The following EGFLAM variants were observed in gnomAD, a reference collection of about 807,000 sequenced individuals.
The protein encoded by EGFLAM is pikachurin.
In EGFLAM, 79 loss-of-function variants were observed where a neutral mutation model predicts 113.1. The observed-to-expected ratio is 0.70, with a 90% CI of 0.58 to 0.84. EGFLAM has a LOEUF of 0.84. Ranked by LOEUF, EGFLAM falls within the 40% of genes least tolerant of loss-of-function variation. EGFLAM has a pLI of 0.00. For missense variants in EGFLAM, 1,265 were observed against 1,291.6 expected, an observed-to-expected ratio of 0.98 and a Z score of 0.32; for synonymous variants, 504 against 487.6, an observed-to-expected ratio of 1.03 and a Z score of -0.44.
intron 1 of EGFLAM, among the ~76,000 whole-genome samples, chr5:38,287,592 A>T (rs35650653): frequency 0.28 from 42,067 of 152,108 alleles, 6,423 homozygotes; most frequent in African/African-American, 0.39. Flanking sequence ...GGCTGGTCTC[A>T]AACTCCTGGC....
At chr5:38,357,324 C>T (rs778758555) in intron 5 of EGFLAM, among the ~76,000 whole-genome samples, 51 of 152,282 alleles carry the variant, frequency 3.3e-4, no homozygotes, top group African/African-American at 1.2e-3. Flanking sequence ...TCATCACACA[C>T]TGAATCTGCT....
intron 6 of EGFLAM, among the ~76,000 whole-genome samples, chr5:38,394,936 T>A (rs952758415): frequency 6.6e-6 from 1 of 151,982 alleles, no homozygotes; most frequent in East Asian, 1.9e-4. Context: ...GAATATAGGG[T>A]TTTTTTAATT....
chr5:38,350,114 C>T (rs1267201533), intron 3 of EGFLAM, among the ~76,000 whole-genome samples: 1 of 152,188 alleles, frequency 6.6e-6, no homozygotes, highest in Non-Finnish European at 1.5e-5. Context: ...GCAGCTGCAG[C>T]TATTCTCTGA....
intron 6 of EGFLAM, chr5:38,399,860 C>G (rs1741060796): frequency 6.6e-6 from 1 of 152,186 alleles, no homozygotes; most frequent in Non-Finnish European, 1.5e-5. Flanking sequence ...TGGATCACCT[C>G]CTACAGGAGA....
intron 6 of EGFLAM, among the ~76,000 whole-genome samples, chr5:38,393,697 G>A (rs1332409150): frequency 1.3e-5 from 2 of 152,346 alleles, no homozygotes; most frequent in South Asian, 2.1e-4. Context: ...CAGAGCGAAC[G>A]AATGCTGGCA....
chr5:38,269,399 A>G (rs1025709608), intron 1 of EGFLAM, among the ~76,000 whole-genome samples: 2 of 152,130 alleles, frequency 1.3e-5, no homozygotes, highest in African/African-American at 4.8e-5. Context: ...TCTTTTTTTT[A>G]GACACCACAG....
Position 38,407,945 on chromosome 5 carries a change from C to G in EGFLAM, c.1248+40C>G, listed in dbSNP as rs750025910. ...TTGTTTGATGAGTGCTTTTTGGACACTTTAACACAGCAATGTGCTACATTC... is the reference window on the plus strand; with the variant it reads ...TTGTTTGATGAGTGCTTTTTGGACAGTTTAACACAGCAATGTGCTACATTC... On this transcript the variant is annotated intron_variant, in intron 9 of 21. Coordinates refer to ENST00000322350, the MANE Select transcript of EGFLAM (RefSeq NM_152403.4). 13 of 1,459,590 alleles carry G rather than the reference C, an allele frequency of 8.9e-6. No homozygotes were observed. The Admixed American group carries it at 2.2e-4, about 25-fold the overall frequency. The allele number at this position is 1,459,590 out of a possible 1,614,324, so 90.4% of individuals were successfully genotyped here. A position where few individuals can be genotyped will look rare whatever the true frequency, so the allele number is the denominator to read the frequency against.
At chr5:38,310,510 T>C (rs1476829968) in intron 1 of EGFLAM, among the ~76,000 whole-genome samples, 3 of 152,204 alleles carry the variant, frequency 2.0e-5, no homozygotes, top group African/African-American at 7.2e-5. Flanking sequence ...TATGAAGCTA[T>C]TCTACCCATG....
chr5:38,364,061 A>G lies in EGFLAM; in HGVS notation c.546-6235A>G, dbSNP rs549008510. Among the ~76,000 whole-genome samples, 15 of 152,318 alleles carry G rather than the reference A, an allele frequency of 9.8e-5. No homozygotes were observed. In the South Asian group the frequency reaches 3.1e-3, roughly 32 times the overall value. ...CAACCCTGATTTAAGGCATCATGCT[A>G]TTTCTAAGTTGAATTCTGAAGATAT... On this transcript the variant is annotated intron_variant, in intron 5 of 21. Transcript: ENST00000322350.
In EGFLAM at chr5:38,318,260, A is replaced by G. The variant is rs1386945188; in HGVS notation, c.98-19260A>G. Among the ~76,000 whole-genome samples, 9 of 151,630 alleles carry G rather than the reference A, an allele frequency of 5.9e-5. No homozygotes were observed. In the East Asian group the frequency reaches 9.7e-4, roughly 16 times the overall value. On this transcript the variant is annotated intron_variant, in intron 1 of 21. Transcript: ENST00000322350. Reference sequence around the variant, plus strand: ...AGGAGAGTTATGGTGATAGTATAGTATACTATAGTATACTATCTAACTATA... The same window carrying G: ...AGGAGAGTTATGGTGATAGTATAGTGTACTATAGTATACTATCTAACTATA...
At position 38,412,467 on chromosome 5, in the gene EGFLAM, C is replaced by T. The variant is rs753419078; in HGVS notation, c.1350-37C>T. Reference sequence around the variant, plus strand: ...AATCTGAAAACATAATGGCCTGGTTCGTCAAGAAATCTTCTTTTCCTTTTC... The same window carrying T: ...AATCTGAAAACATAATGGCCTGGTTTGTCAAGAAATCTTCTTTTCCTTTTC... On this transcript the variant is annotated intron_variant, in intron 10 of 21. Coordinates refer to ENST00000322350, the MANE Select transcript of EGFLAM (RefSeq NM_152403.4). The T allele has an allele frequency of 4.0e-5, 64 of 1,613,718 alleles. No individual in the cohort carries two copies. The East Asian group carries it at 1.0e-3, about 26-fold the overall frequency.
intron 4 of EGFLAM, among the ~76,000 whole-genome samples, chr5:38,351,247 T>A (rs1739616319): frequency 6.6e-6 from 1 of 151,956 alleles, no homozygotes; most frequent in Admixed American, 6.6e-5. Flanking sequence ...TAGCTGGAAC[T>A]ATAGTCACAT....
At chr5:38,269,542 T>G (rs183661202) in intron 1 of EGFLAM, among the ~76,000 whole-genome samples, 30 of 150,382 alleles carry the variant, frequency 2.0e-4, no homozygotes, top group African/African-American at 7.1e-4. Flanking sequence ...CAGGCTGGAG[T>G]GCAGTGGCGC....
intron 1 of EGFLAM, among the ~76,000 whole-genome samples, chr5:38,272,766 G>A (rs1422110365): frequency 2.6e-5 from 4 of 151,958 alleles, no homozygotes; most frequent in Non-Finnish European, 4.4e-5. Context: ...GTATGTGTGT[G>A]TGTGTGTGTG....
At chr5:38,445,542 C>G in intron 17 of EGFLAM, 1 of 1,574,648 alleles carries the variant, frequency 6.4e-7, no homozygotes, top group East Asian at 2.3e-5. Context: ...CCTAAGAGGA[C>G]GTTCTGGACT....
chr5:38,398,274 C>T (rs1741014231), intron 6 of EGFLAM, among the ~76,000 whole-genome samples: 1 of 152,300 alleles, frequency 6.6e-6, no homozygotes, highest in African/African-American at 2.4e-5. Flanking sequence ...TTCTATTTTC[C>T]ATACATTCTG....
chr5:38,315,777 T>C (rs1422195029), intron 1 of EGFLAM, among the ~76,000 whole-genome samples: 3 of 152,148 alleles, frequency 2.0e-5, no homozygotes, highest in African/African-American at 7.2e-5. Context: ...AATATATGTT[T>C]AAAATGCCTA....
At chr5:38,435,053 C>A in intron 15 of EGFLAM, 84 bp from the exon 16 acceptor site, 2 of 1,181,648 alleles carry the variant, frequency 1.7e-6, no homozygotes, top group East Asian at 2.4e-5. Flanking sequence ...ATTTTGTTCC[C>A]CAACAGGGAA....
chr5:38,356,718 T>C (rs1002203192), intron 5 of EGFLAM, among the ~76,000 whole-genome samples: 1 of 152,194 alleles, frequency 6.6e-6, no homozygotes, highest in Non-Finnish European at 1.5e-5. Flanking sequence ...CCTCCACAGC[T>C]TGTTGCAGCA....
Sources: allele counts gnomAD v4.1 joint callset (sites outside exome capture counted in the v4.1 genomes callset), GRCh38; gene constraint gnomAD v4.1.1; transcripts MANE v1.5; gene names NCBI Gene and HGNC (gene_info 2026-07-23, HGNC 2026-07-21).